PCDH11X: variants seen among roughly 807,000 people sequenced by gnomAD.
PCDH11X encodes the protein protocadherin 11 X-linked, also known as protocadherin-11 X-linked.
In PCDH11X, 18 loss-of-function variants were observed where a neutral mutation model predicts 53.3. The ratio of observed to expected loss-of-function variants is 0.34; its 90% CI spans 0.23 to 0.50. The LOEUF is 0.50. Among genes scored for constraint, PCDH11X ranks in the 20% least tolerant of loss-of-function variants. PCDH11X has a pLI of 0.98. For synonymous variants in PCDH11X, 279 were observed against 393.3 expected, an observed-to-expected ratio of 0.71 and a Z score of 3.44; for missense variants, 570 against 1,032.4, an observed-to-expected ratio of 0.55 and a Z score of 6.14.
intron 6 of PCDH11X, among the ~76,000 whole-genome samples, chrX:92,145,903 A>G (rs1361932880): frequency 9.5e-6 from 1 of 105,031 alleles, no homozygotes; most frequent in Non-Finnish European, 2.0e-5. Flanking sequence ...TTTTTCAAAT[A>G]TAAGTGTCAA....
At chrX:92,210,236 T>A (rs1320065039) in intron 7 of PCDH11X, among the ~76,000 whole-genome samples, 2 of 70,743 alleles carry the variant, frequency 2.8e-5, no homozygotes, top group South Asian at 1.9e-3. Flanking sequence ...TGGGCTTTTT[T>A]TTTTTTTTTT....
intron 6 of PCDH11X, among the ~76,000 whole-genome samples, chrX:92,032,479 T>C (rs1211492004): frequency 9.0e-6 from 1 of 110,815 alleles, no homozygotes. Flanking sequence ...TATTTCTTTC[T>C]CTTGTTTAAT....
intron 6 of PCDH11X, among the ~76,000 whole-genome samples, chrX:92,157,203 G>A (rs2065552436): frequency 1.8e-5 from 2 of 111,657 alleles, no homozygotes; most frequent in Non-Finnish European, 3.8e-5. Flanking sequence ...CAGGATTGTG[G>A]CTTTTATGAA....
intron 10 of PCDH11X, among the ~76,000 whole-genome samples, chrX:92,498,097 A>G (rs1365380817): frequency 8.9e-6 from 1 of 111,827 alleles, no homozygotes; most frequent in Admixed American, 9.5e-5. Context: ...CTTAAACTGT[A>G]AACTATAGCA....
intron 6 of PCDH11X, among the ~76,000 whole-genome samples, chrX:92,003,954 G>A (rs1330310685): frequency 1.8e-5 from 2 of 108,533 alleles, no homozygotes; most frequent in Admixed American, 2.0e-4. Flanking sequence ...TACTTTTCTA[G>A]TTCTTTAAGA....
intron 6 of PCDH11X, among the ~76,000 whole-genome samples, chrX:92,175,033 T>G (rs1473493418): frequency 1.8e-5 from 2 of 111,027 alleles, no homozygotes; most frequent in South Asian, 3.8e-4. Flanking sequence ...TTGAGTGCAG[T>G]GGCGCCATCT....
chrX:92,015,927 G>C (rs761779532), intron 6 of PCDH11X, among the ~76,000 whole-genome samples: 15 of 111,642 alleles, frequency 1.3e-4, no homozygotes, highest in Non-Finnish European at 2.8e-4. Context: ...AACTATGGCA[G>C]CTATAACCTT....
At chrX:92,508,085 G>C (rs1181044919) in intron 10 of PCDH11X, among the ~76,000 whole-genome samples, 1 of 111,018 alleles carries the variant, frequency 9.0e-6, no homozygotes, top group African/African-American at 3.3e-5. Flanking sequence ...AAAATGCTGG[G>C]ATTACAGGCG....
chrX:92,410,137 A>C (rs1369274183), intron 9 of PCDH11X, among the ~76,000 whole-genome samples: 1 of 111,326 alleles, frequency 9.0e-6, no homozygotes, highest in Non-Finnish European at 1.9e-5. Flanking sequence ...AGTATAATTT[A>C]TTTTTAAAGA....
At chrX:92,321,675 A>G (rs1469084462) in intron 8 of PCDH11X, among the ~76,000 whole-genome samples, 1 of 111,307 alleles carries the variant, frequency 9.0e-6, no homozygotes, top group Non-Finnish European at 1.9e-5. Context: ...TACCACAAAG[A>G]GTCTCTTCTG....
At chrX:91,794,067 A>C (rs1462281944) in intron 1 of PCDH11X, among the ~76,000 whole-genome samples, 1 of 112,123 alleles carries the variant, frequency 8.9e-6, no homozygotes, top group Non-Finnish European at 1.9e-5. Flanking sequence ...GATGACACAT[A>C]TTGTGCTGAA....
chrX:92,002,338 C>T (rs1458800526), intron 6 of PCDH11X, among the ~76,000 whole-genome samples: 2 of 107,533 alleles, frequency 1.9e-5, no homozygotes, highest in East Asian at 3.0e-4. Context: ...TTATGTGATT[C>T]CTCAAGTTTT....
chrX:92,286,064 T>G (rs2068364232), intron 8 of PCDH11X, among the ~76,000 whole-genome samples: 1 of 111,589 alleles, frequency 9.0e-6, no homozygotes, highest in Non-Finnish European at 1.9e-5. Flanking sequence ...CTTGCCCTCA[T>G]TCCGGTAAAC....
intron 1 of PCDH11X, among the ~76,000 whole-genome samples, chrX:91,789,100 G>A (rs1351047106): frequency 9.5e-6 from 1 of 105,109 alleles, no homozygotes; most frequent in Non-Finnish European, 1.9e-5. Flanking sequence ...TACTCGGGAG[G>A]CTGAGGCAGG....
chrX:92,217,896 A>T, intron 7 of PCDH11X, among the ~76,000 whole-genome samples: 1 of 110,235 alleles, frequency 9.1e-6, no homozygotes, highest in East Asian at 2.9e-4. Context: ...AGGATTAAGA[A>T]ACTCACTCAA....
At position 92,233,267 on chromosome X, in the gene PCDH11X, A is replaced by C. The variant is rs368984081; in HGVS notation, c.3115-29847A>C. Among the ~76,000 whole-genome samples the C allele has an allele frequency of 4.0e-3, 444 of 111,317 alleles. 1 individual carries two copies. The highest frequency in any genetic ancestry group is 0.019 in the Middle Eastern group (4 of 212). On this transcript the variant is annotated intron_variant, in intron 7 of 10. Transcript: ENST00000682573. ...CCTATTGTCATACTTAGTACCTGGAAACACATAGTCCTTTCCCATTTTTTT... is the reference window on the plus strand; with the variant it reads ...CCTATTGTCATACTTAGTACCTGGACACACATAGTCCTTTCCCATTTTTTT...
intron 6 of PCDH11X, among the ~76,000 whole-genome samples, chrX:92,073,575 CT>C (rs1013000838): frequency 8.9e-6 from 1 of 112,319 alleles, no homozygotes; most frequent in Non-Finnish European, 1.9e-5. Flanking sequence ...TTTATATTCT[CT>C]AAATATCTGC....
At chrX:92,515,907 T>G (rs1163752541) in intron 10 of PCDH11X, among the ~76,000 whole-genome samples, 2 of 111,399 alleles carry the variant, frequency 1.8e-5, no homozygotes, top group African/African-American at 6.5e-5. Flanking sequence ...CAAATATACC[T>G]AGGGAAGCAG....
intron 7 of PCDH11X, among the ~76,000 whole-genome samples, chrX:92,204,695 A>G (rs2066446150): frequency 8.9e-6 from 1 of 112,378 alleles, no homozygotes; most frequent in Non-Finnish European, 1.9e-5. Context: ...GTATCCTTAT[A>G]TCAGCACCCC....
Sources: allele counts gnomAD v4.1 joint callset (sites outside exome capture counted in the v4.1 genomes callset), GRCh38; gene constraint gnomAD v4.1.1; transcripts MANE v1.5; gene names NCBI Gene and HGNC (gene_info 2026-07-23, HGNC 2026-07-21).